Variants in EEPD1 observed in about 807,000 individuals in gnomAD.
EEPD1 encodes the protein endonuclease/exonuclease/phosphatase family domain containing 1.
A neutral mutation model predicts 46.3 loss-of-function variants in EEPD1; 17 were observed. The ratio of observed to expected loss-of-function variants is 0.37; its 90% CI spans 0.25 to 0.55. The LOEUF (loss-of-function observed/expected upper bound fraction) is 0.55. EEPD1 is among the 20% of genes least tolerant of loss of function. The pLI, the probability that EEPD1 is intolerant of heterozygous loss-of-function variation, is 0.83. For synonymous variants in EEPD1, 313 were observed against 315.6 expected (o/e 0.99, Z 0.09); for missense variants, 673 against 745.6 (o/e 0.90, Z 1.13).
At chr7:36,165,149 C>T (rs923703503) in intron 2 of EEPD1, among the ~76,000 whole-genome samples, 20 of 152,212 alleles carry the variant, frequency 1.3e-4, no homozygotes, top group African/African-American at 4.8e-4. Flanking sequence ...CACTCACCCA[C>T]TCACTCAGAG....
chr7:36,246,806 T>C (rs1262710043), intron 3 of EEPD1, among the ~76,000 whole-genome samples: 1 of 152,110 alleles, frequency 6.6e-6, no homozygotes, highest in Non-Finnish European at 1.5e-5. Context: ...AGTATGTGCA[T>C]TTCATCAGCA....
At chr7:36,239,294 G>T (rs559793310) in intron 3 of EEPD1, among the ~76,000 whole-genome samples, 1 of 152,302 alleles carries the variant, frequency 6.6e-6, no homozygotes, top group Non-Finnish European at 1.5e-5. Flanking sequence ...GGCCCGTGCT[G>T]CAAGGGGCCA....
intron 2 of EEPD1, among the ~76,000 whole-genome samples, chr7:36,211,180 G>A (rs1414948855): frequency 6.6e-6 from 1 of 152,132 alleles, no homozygotes; most frequent in East Asian, 1.9e-4. Context: ...CAGTATCTTC[G>A]GTGCCCTTCG....
intron 2 of EEPD1, 30 bp downstream of exon 2, chr7:36,155,232 G>A (rs771986858): frequency 1.3e-6 from 2 of 1,499,664 alleles, no homozygotes; most frequent in South Asian, 1.4e-5. Flanking sequence ...TGGGTGTTGG[G>A]TGTGAAGGCA....
chr7:36,176,455 TC>T (rs1161832216), intron 2 of EEPD1, among the ~76,000 whole-genome samples: 1 of 152,176 alleles, frequency 6.6e-6, no homozygotes, highest in East Asian at 1.9e-4. Flanking sequence ...CCGCAAGTTC[TC>T]CCATGTAACG....
chr7:36,211,150 C>T (rs147891524), intron 2 of EEPD1, among the ~76,000 whole-genome samples: 5 of 152,304 alleles, frequency 3.3e-5, no homozygotes, highest in East Asian at 1.9e-4. Flanking sequence ...AAGACAGAAG[C>T]GCCTTGCCTG....
intron 2 of EEPD1, among the ~76,000 whole-genome samples, chr7:36,187,885 C>T (rs1785388773): frequency 6.6e-6 from 1 of 152,166 alleles, no homozygotes; most frequent in Admixed American, 6.5e-5. Context: ...CAACCTCTGC[C>T]TCCTGAGTTC....
In EEPD1 at chr7:36,281,754, C is replaced by T. The variant is rs1053965872; in HGVS notation, c.1041+529C>T. On this transcript the variant is annotated intron_variant, in intron 4 of 7. Coordinates refer to ENST00000242108, the MANE Select transcript of EEPD1 (RefSeq NM_030636.3). ...AAATCTCTGTAAATACACGTTTTCC[C>T]TCATATTATTATTCAAGGCCAGATT... 2.6e-5 allele frequency among the ~76,000 whole-genome samples: 4 copies of T among 152,112 alleles called. No homozygotes were observed. The South Asian group carries it at 8.3e-4, about 31-fold the overall frequency.
At position 36,294,808 on chromosome 7, in the gene EEPD1, C is replaced by A. The variant is rs10226148; in HGVS notation, c.1316-2185C>A. 5.6e-3 allele frequency among the ~76,000 whole-genome samples: 845 copies of A among 152,224 alleles called. 6 individuals are homozygous for A. The highest frequency in any genetic ancestry group is 0.019 in the African/African-American group (783 of 41,526). The stretch of plus-strand genomic sequence containing the variant: ...TACAAATAATAGACCTATCAGGCAT[C>A]GTTTCTGATGCCGTTCTCTGATGAA... On this transcript the variant is annotated intron_variant, in intron 6 of 7. Transcript: ENST00000242108.
intron 2 of EEPD1, among the ~76,000 whole-genome samples, chr7:36,202,919 G>A (rs1785739376): frequency 6.6e-6 from 1 of 152,220 alleles, no homozygotes. Context: ...CCTGGCATCT[G>A]AAGCAGGACA....
rs1259893782 is a variant in EEPD1, at chr7:36,280,373, T to A, written c.931-742T>A. On this transcript the variant is annotated intron_variant, in intron 3 of 7. Transcript: ENST00000242108. ...AGGGGTGGTTAGAGAAATAAACAAGTGGAGTGCTCCAAGGCTTGTGAAGGA... is the reference window on the plus strand; with the variant it reads ...AGGGGTGGTTAGAGAAATAAACAAGAGGAGTGCTCCAAGGCTTGTGAAGGA... Among the ~76,000 whole-genome samples the A allele has an allele frequency of 4.6e-5, 7 of 152,030 alleles. No individual in the cohort carries two copies. The East Asian group carries it at 1.2e-3, about 25-fold the overall frequency.
intron 3 of EEPD1, among the ~76,000 whole-genome samples, chr7:36,277,220 G>A (rs1181684640): frequency 6.6e-6 from 1 of 152,242 alleles, no homozygotes; most frequent in Non-Finnish European, 1.5e-5. Context: ...AGGAAGTAGA[G>A]CAGCAGGAAC....
At chr7:36,246,335 A>C (rs563110960) in intron 3 of EEPD1, among the ~76,000 whole-genome samples, 1 of 152,358 alleles carries the variant, frequency 6.6e-6, no homozygotes, top group African/African-American at 2.4e-5. Flanking sequence ...TGGGGGACAT[A>C]GGAGGCCAGG....
intron 2 of EEPD1, among the ~76,000 whole-genome samples, chr7:36,215,068 T>C (rs780320068): frequency 3.0e-4 from 45 of 152,178 alleles, no homozygotes; most frequent in Non-Finnish European, 5.1e-4. Flanking sequence ...CAGAGGGGCC[T>C]CAATTGCAGG....
intron 2 of EEPD1, among the ~76,000 whole-genome samples, chr7:36,212,861 G>A (rs1405659943): frequency 6.6e-6 from 1 of 152,102 alleles, no homozygotes; most frequent in Admixed American, 6.6e-5. Context: ...CCTTAAGAAA[G>A]CATGGCTGTG....
intron 3 of EEPD1, among the ~76,000 whole-genome samples, chr7:36,247,883 T>C (rs905628403): frequency 1.3e-5 from 2 of 152,206 alleles, no homozygotes; most frequent in African/African-American, 4.8e-5. Context: ...GATCTTCTCA[T>C]AGTGTGACTT....
intron 2 of EEPD1, among the ~76,000 whole-genome samples, chr7:36,223,269 G>C (rs1003566403): frequency 6.6e-6 from 1 of 151,948 alleles, no homozygotes; most frequent in African/African-American, 2.4e-5. Context: ...TTGCATGCTG[G>C]GTGGAGCTGG....
At chr7:36,200,397 T>G (rs12669116) in intron 2 of EEPD1, among the ~76,000 whole-genome samples, 1,910 of 152,334 alleles carry the variant, frequency 0.013, 94 homozygotes, top group East Asian at 0.12. Context: ...ACATTTAAGT[T>G]GATTACATGA....
chr7:36,263,027 C>A (rs1027029528), intron 3 of EEPD1, among the ~76,000 whole-genome samples: 1 of 152,114 alleles, frequency 6.6e-6, no homozygotes, highest in African/African-American at 2.4e-5. Context: ...GACTCTGTCT[C>A]TACAAGAAAT....
Sources: allele counts gnomAD v4.1 joint callset (sites outside exome capture counted in the v4.1 genomes callset), GRCh38; gene constraint gnomAD v4.1.1; transcripts MANE v1.5; gene names NCBI Gene and HGNC (gene_info 2026-07-23, HGNC 2026-07-21).